The following CCDC171 variants were observed in gnomAD, a reference collection of about 807,000 sequenced individuals.
CCDC171 encodes the protein coiled-coil domain containing 171, also known as coiled-coil domain-containing protein 171.
Under a neutral mutation model 168.2 loss-of-function variants are expected in CCDC171, and 177 were observed. The observed-to-expected ratio is 1.05, with a 90% CI of 0.93 to 1.19. CCDC171 has a LOEUF of 1.19. Ranked by LOEUF, CCDC171 falls within the 50% of genes most tolerant of loss-of-function variation. CCDC171 has a pLI of 0.00. For missense variants in CCDC171, 1,991 were observed against 1,539.0 expected (o/e 1.29, Z -4.91); for synonymous variants, 687 against 540.8 (o/e 1.27, Z -3.75).
chr9:16,013,730 A>G (rs980673268), intron 3 of CCDC171, among the ~76,000 whole-genome samples: 1 of 152,234 alleles, frequency 6.6e-6, no homozygotes, highest in Non-Finnish European at 1.5e-5. Flanking sequence ...GATAATTTTT[A>G]ATTTCCCAGT....
At chr9:15,687,970 T>C (rs2050520736) in intron 10 of CCDC171, among the ~76,000 whole-genome samples, 1 of 151,770 alleles carries the variant, frequency 6.6e-6, no homozygotes, top group Non-Finnish European at 1.5e-5. Flanking sequence ...AATACAAAAA[T>C]TAGCTGGGCA....
At chr9:16,058,980 A>G (rs1041225965) in intron 1 of CCDC171, among the ~76,000 whole-genome samples, 22 of 152,206 alleles carry the variant, frequency 1.4e-4, no homozygotes. Flanking sequence ...GTTTTCCCAC[A>G]ATGCATTCCT....
At chr9:15,830,625 G>A (rs1022383823) in intron 21 of CCDC171, among the ~76,000 whole-genome samples, 5 of 152,094 alleles carry the variant, frequency 3.3e-5, no homozygotes, top group African/African-American at 4.8e-5. Flanking sequence ...GTCTTTAACC[G>A]TAATGTCAAA....
chr9:15,571,592 C>T, intron 2 of CCDC171, 32 bp from the exon 3 acceptor site: 1 of 1,477,560 alleles, frequency 6.8e-7, no homozygotes, highest in Non-Finnish European at 9.0e-7. Flanking sequence ...TTATGAGAAG[C>T]ATATACATTT....
chr9:15,984,396 A>G (rs541962991), intron 3 of CCDC171, among the ~76,000 whole-genome samples: 110 of 146,398 alleles, frequency 7.5e-4, no homozygotes, highest in African/African-American at 2.6e-3. Context: ...GCATTTGACC[A>G]TGTATATATA....
the CCDC171 span, among the ~76,000 whole-genome samples, chr9:16,068,937 C>T: frequency 1.3e-5 from 2 of 152,176 alleles, no homozygotes; most frequent in Admixed American, 1.3e-4. Context: ...GTGTCTTCAT[C>T]TCCAAAAAGG....
At chr9:15,998,145 C>CA (rs1462301699) in intron 3 of CCDC171, among the ~76,000 whole-genome samples, 3 of 152,168 alleles carry the variant, frequency 2.0e-5, no homozygotes, top group Non-Finnish European at 2.9e-5. Flanking sequence ...AGAATGATGA[C>CA]AAATGGAGCC....
At chr9:15,671,704 C>T (rs2049124695) in intron 9 of CCDC171, among the ~76,000 whole-genome samples, 1 of 151,988 alleles carries the variant, frequency 6.6e-6, no homozygotes, top group Non-Finnish European at 1.5e-5. Context: ...TTTTTTATGG[C>T]TGTATAGTAT....
intron 21 of CCDC171, among the ~76,000 whole-genome samples, chr9:15,836,314 A>C (rs1174612194): frequency 1.3e-5 from 2 of 152,306 alleles, no homozygotes; most frequent in Non-Finnish European, 2.9e-5. Flanking sequence ...TGAGGCTGAT[A>C]GAGTGTTCTT....
chr9:15,721,637 G>T, intron 11 of CCDC171, 132 bp from the exon 12 acceptor site: 1 of 341,656 alleles, frequency 2.9e-6, no homozygotes, highest in Non-Finnish European at 5.4e-6. Flanking sequence ...GTATACTGCT[G>T]TATGGCCAAG....
In CCDC171 at chr9:15,626,836, G is replaced by A. The variant is rs559017355; in HGVS notation, c.822+3423G>A. On this transcript the variant is annotated intron_variant, in intron 7 of 25. Transcript: ENST00000380701. ...CAGGATGATGCTGGCCTCATAAAAT[G>A]ACTTAGGGAGAGTTCCCTCTTTTTC... Among the ~76,000 whole-genome samples the A allele has an allele frequency of 5.3e-5, 8 of 152,314 alleles. No homozygotes were observed. The East Asian group carries it at 1.5e-3, about 29-fold the overall frequency.
chr9:16,099,541 TA>T, the CCDC171 span, among the ~76,000 whole-genome samples: 2 of 152,306 alleles, frequency 1.3e-5, no homozygotes, highest in African/African-American at 4.8e-5. Context: ...GTCCTTTTCA[TA>T]AGAAAAATGC....
chr9:16,062,683 C>A (rs557614943), downstream of CCDC171, among the ~76,000 whole-genome samples: 24 of 152,348 alleles, frequency 1.6e-4, no homozygotes, highest in African/African-American at 5.5e-4. Flanking sequence ...TTGTGGTACA[C>A]ACTTCAGATA....
intron 23 of CCDC171, among the ~76,000 whole-genome samples, chr9:15,871,973 A>G (rs2062057946): frequency 1.3e-5 from 2 of 152,054 alleles, no homozygotes; most frequent in Non-Finnish European, 2.9e-5. Context: ...TTTCCTAGAA[A>G]TATTTGAGAA....
At chr9:15,699,889 A>T (rs909523493) in intron 11 of CCDC171, among the ~76,000 whole-genome samples, 1 of 152,076 alleles carries the variant, frequency 6.6e-6, no homozygotes, top group Non-Finnish European at 1.5e-5. Context: ...CTTGAGCTAG[A>T]TACAGAGTGC....
At chr9:15,734,049 A>G (rs572356261) in intron 16 of CCDC171, among the ~76,000 whole-genome samples, 2 of 152,150 alleles carry the variant, frequency 1.3e-5, no homozygotes, top group Non-Finnish European at 2.9e-5. Context: ...TGTTGTGATT[A>G]CAAGCGTGAG....
rs1564160074 is a variant in CCDC171, at chr9:15,661,296, A to AAAAAAAAAC, written c.915+4081_915+4082insAAAACAAAA. Among the ~76,000 whole-genome samples, 22 of 141,496 alleles carry AAAAAAAAAC rather than the reference A, an allele frequency of 1.6e-4. 3 individuals carry two copies. Among genetic ancestry groups the AAAAAAAAAC allele is most frequent in the Non-Finnish European group, 1.7e-4 (11 of 65,344 alleles). The allele number at this position is 141,496 out of a possible 152,430, so 92.8% of individuals were successfully genotyped here. A position where few individuals can be genotyped will look rare whatever the true frequency, so the allele number is the denominator to read the frequency against. Reference sequence around the variant, plus strand: ...CTCCGTCTCAAAAAAAAAAAAAAAAAAAAAGTAACATGCTGTTTTTTGACT... The same window carrying AAAAAAAAAC: ...CTCCGTCTCAAAAAAAAAAAAAAAAAAAAAAAAACAAAAGTAACATGCTGTTTTTTGACT... On this transcript the variant is annotated intron_variant, in intron 8 of 25. Transcript: ENST00000380701.
In CCDC171 at chr9:15,777,765, G is replaced by T. The variant is rs770076867; in HGVS notation, c.2837G>T (p.Gly946Val). Residue 946 changes from glycine (G) to valine (V), a missense_variant, in exon 19 of 26, where the codon GGA (glycine) becomes GTA (valine). By Grantham distance (109) the Gly-to-Val change is moderately radical. Coordinates refer to ENST00000380701, the MANE Select transcript of CCDC171 (RefSeq NM_173550.4). ...TCCCTGGTTCAGAGGCTGGCCCATG[G>T]ACTTCATAAAGTAAACACACTGGCC... ...KDSLVQRLAH[G>V]LHKVNTLALK... 2 of 1,613,978 alleles carry T rather than the reference G, an allele frequency of 1.2e-6. No homozygotes were observed. The highest frequency in any genetic ancestry group is 2.2e-5 in the South Asian group (2 of 91,020).
intron 4 of CCDC171, chr9:15,588,522 T>C: frequency 2.8e-6 from 1 of 351,842 alleles, no homozygotes; most frequent in Non-Finnish European, 5.7e-6. Context: ...AGGGAAAAGC[T>C]GATGCTTACA....
Sources: gnomAD v4.1 joint callset for allele counts (sites outside exome capture counted in the v4.1 genomes callset) on GRCh38, gnomAD v4.1.1 for gene constraint, MANE v1.5 for transcripts, NCBI Gene and HGNC (gene_info 2026-07-23, HGNC 2026-07-21) for gene names.